GRB10: variants seen among roughly 807,000 people sequenced by gnomAD.
GRB10 encodes growth factor receptor bound protein 10.
GRB10 carries 20 observed loss-of-function variants against 80.9 expected under a neutral mutation model. That is an observed-to-expected ratio of 0.25 (90% CI 0.17 to 0.36). The LOEUF is 0.36. Ranked by LOEUF, GRB10 falls within the 10% of genes least tolerant of loss-of-function variation. The probability of loss-of-function intolerance (pLI) is 1.00; values close to 1 mark genes in which losing one functional copy is unlikely to be tolerated. For synonymous variants in GRB10, 291 were observed against 291.5 expected (o/e 1.00, Z 0.02); for missense variants, 548 against 747.7 (o/e 0.73, Z 3.12).
chr7:50,735,188 G>A (rs2070576611), intron 3 of GRB10, among the ~76,000 whole-genome samples: 1 of 152,118 alleles, frequency 6.6e-6, no homozygotes, highest in Non-Finnish European at 1.5e-5. Flanking sequence ...AGATAATTAA[G>A]AAAACAATTC....
intron 7 of GRB10, among the ~76,000 whole-genome samples, chr7:50,637,153 G>A (rs1461662525): frequency 6.6e-6 from 1 of 151,850 alleles, no homozygotes; most frequent in Non-Finnish European, 1.5e-5. Context: ...AATTTTTTTT[G>A]TACTTTAGAG....
intron 7 of GRB10, among the ~76,000 whole-genome samples, chr7:50,638,019 A>G (rs978162178): frequency 1.2e-4 from 18 of 152,236 alleles, no homozygotes; most frequent in Non-Finnish European, 2.1e-4. Flanking sequence ...CTATCCATAC[A>G]AACTAAAACA....
At chr7:50,748,565 G>A (rs2073442777) in intron 3 of GRB10, among the ~76,000 whole-genome samples, 1 of 152,216 alleles carries the variant, frequency 6.6e-6, no homozygotes, top group Non-Finnish European at 1.5e-5. Context: ...AGCCTTTGTG[G>A]AACATTTATA....
In GRB10 at chr7:50,592,931, C is replaced by T. The variant is rs748174069; in HGVS notation, c.*21G>A. On this transcript the variant is annotated 3_prime_UTR_variant, in exon 19 of 19. Transcript: ENST00000401949. ...TCCAGTGTTCACTTCCTCCAGTCTT[C>T]AGCCGAGAGGACATCTGCGGTCATA... 26 of 1,613,612 alleles carry T rather than the reference C, an allele frequency of 1.6e-5. No individual in the cohort carries two copies. In the East Asian group the frequency reaches 5.3e-4, roughly 33 times the overall value.
chr7:50,735,584 TA>T (rs969939233), intron 3 of GRB10, among the ~76,000 whole-genome samples: 4 of 152,102 alleles, frequency 2.6e-5, no homozygotes, highest in African/African-American at 9.7e-5. Flanking sequence ...TGTGTCTGAG[TA>T]ACAGGGTTTC....
chr7:50,785,066 T>C (rs1034199812), upstream of GRB10, among the ~76,000 whole-genome samples: 3 of 152,142 alleles, frequency 2.0e-5, no homozygotes, highest in South Asian at 4.1e-4. Flanking sequence ...GTGGATCACA[T>C]GCTAGCTGCC....
intron 5 of GRB10, among the ~76,000 whole-genome samples, chr7:50,675,282 G>C (rs2060808206): frequency 6.6e-6 from 1 of 152,216 alleles, no homozygotes; most frequent in South Asian, 2.1e-4. Flanking sequence ...CACAGAGGAA[G>C]GCATGGGGCA....
intron 7 of GRB10, among the ~76,000 whole-genome samples, chr7:50,644,687 C>T (rs549400618): frequency 2.6e-5 from 4 of 152,304 alleles, no homozygotes; most frequent in East Asian, 1.9e-4. Context: ...GCTGTGAAAG[C>T]GGTACCCTGG....
chr7:50,760,433 TTC>T (rs1237203381), intron 2 of GRB10, among the ~76,000 whole-genome samples: 1 of 152,240 alleles, frequency 6.6e-6, no homozygotes, highest in Non-Finnish European at 1.5e-5. Context: ...TAAGGATTAA[TTC>T]TCTTAAAAGT....
At chr7:50,627,472 G>C (rs951296452) in intron 7 of GRB10, among the ~76,000 whole-genome samples, 1 of 152,166 alleles carries the variant, frequency 6.6e-6, no homozygotes, top group East Asian at 1.9e-4. Context: ...AGCCTTTCCC[G>C]CAGCACCTCA....
At chr7:50,688,820 T>G in intron 5 of GRB10, among the ~76,000 whole-genome samples, 1 of 151,618 alleles carries the variant, frequency 6.6e-6, no homozygotes, top group African/African-American at 2.4e-5. Context: ...AGATGTTGAG[T>G]GAGACCTGGG....
chr7:50,648,002 T>C (rs2057462319), intron 7 of GRB10, among the ~76,000 whole-genome samples: 1 of 152,084 alleles, frequency 6.6e-6, no homozygotes, highest in African/African-American at 2.4e-5. Context: ...AGCACCCACA[T>C]GGAGGTGCCA....
At chr7:50,665,006 TTAAA>T (rs1402000405) in intron 7 of GRB10, among the ~76,000 whole-genome samples, 1 of 152,222 alleles carries the variant, frequency 6.6e-6, no homozygotes, top group Non-Finnish European at 1.5e-5. Context: ...ATTATTAAAC[TTAAA>T]TAAATCAAAC....
chr7:50,717,509 T>C (rs1360275344), intron 4 of GRB10, among the ~76,000 whole-genome samples: 8 of 152,186 alleles, frequency 5.3e-5, no homozygotes, highest in Admixed American at 4.6e-4. Flanking sequence ...TATATATACA[T>C]AAATATGAAA....
chr7:50,792,396 C>G (rs1215081839), intron 1 of GRB10: 1 of 398,320 alleles, frequency 2.5e-6, no homozygotes, highest in African/African-American at 2.1e-5. Context: ...GTTCGCGTTT[C>G]TTCCAATCCC....
At chr7:50,638,959 C>T (rs1449809212) in intron 7 of GRB10, among the ~76,000 whole-genome samples, 1 of 152,116 alleles carries the variant, frequency 6.6e-6, no homozygotes, top group Non-Finnish European at 1.5e-5. Flanking sequence ...GAGCTGGAGG[C>T]CATTATCTTA....
intron 4 of GRB10, 92 bp downstream of exon 4, chr7:50,732,180 A>G: frequency 7.5e-7 from 1 of 1,332,472 alleles, no homozygotes; most frequent in Non-Finnish European, 1.1e-6. Context: ...CCTGAGAGCT[A>G]CAGAAACGAT....
At chr7:50,716,613 G>T (rs566459589) in intron 4 of GRB10, among the ~76,000 whole-genome samples, 236 of 152,306 alleles carry the variant, frequency 1.5e-3, no homozygotes, top group African/African-American at 5.1e-3. Flanking sequence ...GAGTGATAAG[G>T]AGAGAAGTGG....
intron 4 of GRB10, chr7:50,726,769 CA>C (rs2068720365): frequency 6.6e-6 from 1 of 152,096 alleles, no homozygotes; most frequent in Non-Finnish European, 1.5e-5. Flanking sequence ...CAAAGAAATT[CA>C]ATAAGTCCAA....
Sources: gnomAD v4.1 joint callset for allele counts (sites outside exome capture counted in the v4.1 genomes callset) on GRCh38, gnomAD v4.1.1 for gene constraint, MANE v1.5 for transcripts, NCBI Gene and HGNC (gene_info 2026-07-23, HGNC 2026-07-21) for gene names.